Variants in IL1RAPL2 observed in about 807,000 individuals in gnomAD.
IL1RAPL2 encodes the protein X-linked interleukin-1 receptor accessory protein-like 2.
IL1RAPL2 carries 3 observed loss-of-function variants against 44.1 expected under a neutral mutation model. That is an observed-to-expected ratio of 0.07 (90% CI 0.03 to 0.18). The LOEUF is 0.18. IL1RAPL2 is among the 10% of genes least tolerant of loss of function. The pLI is 1.00. For missense variants in IL1RAPL2, 391 were observed against 496.4 expected (o/e 0.79, Z 2.02); for synonymous variants, 181 against 178.8 (o/e 1.01, Z -0.10).
intron 4 of IL1RAPL2, among the ~76,000 whole-genome samples, chrX:105,262,987 G>A (rs974314761): frequency 2.7e-5 from 3 of 110,253 alleles, no homozygotes; most frequent in Non-Finnish European, 5.7e-5. Context: ...CTGGGTTCAA[G>A]CGATTCTCCT....
chrX:105,308,652 G>A (rs1229234377), intron 5 of IL1RAPL2, among the ~76,000 whole-genome samples: 1 of 112,399 alleles, frequency 8.9e-6, no homozygotes, highest in African/African-American at 3.2e-5. Context: ...GTTATTGCAT[G>A]TGTCATTCTC....
At chrX:104,592,194 T>TGTGTGTGTGTG (rs3056008) in intron 1 of IL1RAPL2, among the ~76,000 whole-genome samples, 11 of 98,368 alleles carry the variant, frequency 1.1e-4, no homozygotes, top group Non-Finnish European at 1.4e-4. Flanking sequence ...TGTGTGTGTG[T>TGTGTGTGTGTG]TATTGGAGGT....
At chrX:105,141,823 CA>C (rs2033128114) in intron 2 of IL1RAPL2, among the ~76,000 whole-genome samples, 1 of 111,925 alleles carries the variant, frequency 8.9e-6, no homozygotes, top group Non-Finnish European at 1.9e-5. Flanking sequence ...CAGATTATGT[CA>C]AAACTGACAA....
intron 2 of IL1RAPL2, among the ~76,000 whole-genome samples, chrX:104,981,055 T>TTATGTGTGTGTG: frequency 1.0e-5 from 1 of 97,402 alleles, no homozygotes; most frequent in African/African-American, 3.9e-5. Context: ...TTCCAAGGTA[T>TTATGTGTGTGTG]TGTGTGTGTG....
intron 6 of IL1RAPL2, among the ~76,000 whole-genome samples, chrX:105,562,588 A>T: frequency 9.1e-6 from 1 of 109,653 alleles, no homozygotes; most frequent in Non-Finnish European, 1.9e-5. Context: ...TAGGGAACTT[A>T]ATTACAGGTC....
intron 6 of IL1RAPL2, among the ~76,000 whole-genome samples, chrX:105,645,775 A>G (rs749294897): frequency 8.9e-6 from 1 of 111,824 alleles, no homozygotes; most frequent in Non-Finnish European, 1.9e-5. Context: ...GGTAGCTAAT[A>G]TTATGGTTGG....
At chrX:105,438,631 T>A (rs1445331018) in intron 5 of IL1RAPL2, among the ~76,000 whole-genome samples, 2 of 110,479 alleles carry the variant, frequency 1.8e-5, no homozygotes, top group Non-Finnish European at 3.8e-5. Context: ...GATGGGCTCG[T>A]CTGTGATGAG....
At chrX:105,759,628 C>G (rs1289636692) in intron 10 of IL1RAPL2, among the ~76,000 whole-genome samples, 1 of 112,354 alleles carries the variant, frequency 8.9e-6, no homozygotes, top group Non-Finnish European at 1.9e-5. Context: ...AATCCTAAGA[C>G]TTTCAGTAAT....
chrX:105,139,941 T>C (rs1028380784), intron 2 of IL1RAPL2, among the ~76,000 whole-genome samples: 5 of 112,071 alleles, frequency 4.5e-5, no homozygotes, highest in African/African-American at 1.3e-4. Flanking sequence ...CAGACAGATG[T>C]CATCTAACAC....
chrX:105,572,170 T>A (rs1011672986), intron 6 of IL1RAPL2, among the ~76,000 whole-genome samples: 4 of 111,632 alleles, frequency 3.6e-5, no homozygotes, highest in African/African-American at 1.3e-4. Flanking sequence ...GTCCAATATG[T>A]ATTAAATTCT....
At chrX:105,220,086 T>C in intron 3 of IL1RAPL2, 1 of 1,211,469 alleles carries the variant, frequency 8.3e-7, no homozygotes, top group Non-Finnish European at 1.1e-6. Flanking sequence ...CCAAGGCCTG[T>C]GCGGCTGATT....
chrX:105,520,291 T>C (rs1274713572), intron 6 of IL1RAPL2, among the ~76,000 whole-genome samples: 1 of 112,414 alleles, frequency 8.9e-6, no homozygotes, highest in Non-Finnish European at 1.9e-5. Context: ...GTCAATAAAC[T>C]GGTGCCATCA....
At chrX:105,173,692 G>A (rs2033445480) in intron 2 of IL1RAPL2, among the ~76,000 whole-genome samples, 1 of 109,624 alleles carries the variant, frequency 9.1e-6, no homozygotes, top group Non-Finnish European at 1.9e-5. Context: ...TGGAGTTGAT[G>A]TTGAGGTGTT....
chrX:105,126,775 A>G (rs1356392769), intron 2 of IL1RAPL2, among the ~76,000 whole-genome samples: 1 of 110,630 alleles, frequency 9.0e-6, no homozygotes, highest in Non-Finnish European at 1.9e-5. Flanking sequence ...GGTTTGTGTC[A>G]TAATGTAGGC....
chrX:104,958,691 G>A (rs2029948193), intron 2 of IL1RAPL2, among the ~76,000 whole-genome samples: 1 of 106,074 alleles, frequency 9.4e-6, no homozygotes, highest in African/African-American at 3.5e-5. Flanking sequence ...CTTAGGAGAG[G>A]TACTAATGCA....
intron 3 of IL1RAPL2, among the ~76,000 whole-genome samples, chrX:105,223,020 C>T (rs949067808): frequency 9.1e-6 from 1 of 110,376 alleles, no homozygotes; most frequent in Admixed American, 9.6e-5. Flanking sequence ...CGTAATGGCG[C>T]ACGCCTGTAG....
chrX:105,668,014 A>G (rs185995710), intron 6 of IL1RAPL2, among the ~76,000 whole-genome samples: 23 of 99,393 alleles, frequency 2.3e-4, no homozygotes, highest in African/African-American at 8.3e-4. Flanking sequence ...TATAGATAGT[A>G]TATATATTTT....
chrX:104,668,498 C>T (rs1227172832), intron 2 of IL1RAPL2, among the ~76,000 whole-genome samples: 1 of 87,220 alleles, frequency 1.1e-5, no homozygotes, highest in Non-Finnish European at 2.2e-5. Flanking sequence ...CACAACAGTC[C>T]CCAGAGTGTG....
At chrX:104,896,387 A>C (rs1923647659) in intron 2 of IL1RAPL2, among the ~76,000 whole-genome samples, 2 of 111,452 alleles carry the variant, frequency 1.8e-5, no homozygotes, top group Non-Finnish European at 3.8e-5. Flanking sequence ...TCTGGAGGGC[A>C]CTACAACTGC....
Sources: gnomAD v4.1 joint callset for allele counts (sites outside exome capture counted in the v4.1 genomes callset) on GRCh38, gnomAD v4.1.1 for gene constraint, MANE v1.5 for transcripts, NCBI Gene and HGNC (gene_info 2026-07-23, HGNC 2026-07-21) for gene names.